The following VIT variants were observed in gnomAD, a reference collection of about 807,000 sequenced individuals.
VIT encodes the protein vitrin.
In VIT, 99 loss-of-function variants were observed where a neutral mutation model predicts 78.0. The observed-to-expected ratio is 1.27, with a 90% CI of 1.08 to 1.50. The LOEUF (loss-of-function observed/expected upper bound fraction) is 1.50. Among genes scored for constraint, VIT ranks in the 40% most tolerant of loss-of-function variants. VIT has a pLI of 0.00. For missense variants in VIT, 1,126 were observed against 875.3 expected (o/e 1.29, Z -3.61); for synonymous variants, 374 against 334.3 (o/e 1.12, Z -1.29).
At chr2:36,786,897 T>C (rs6706964) in intron 11 of VIT, among the ~76,000 whole-genome samples, 4,280 of 152,306 alleles carry the variant, frequency 0.028, 194 homozygotes, top group African/African-American at 0.097. Flanking sequence ...TTGTGGCAGA[T>C]ACATAGAGTT....
intron 7 of VIT, among the ~76,000 whole-genome samples, chr2:36,770,737 G>A (rs1022851736): frequency 6.6e-6 from 1 of 152,224 alleles, no homozygotes; most frequent in African/African-American, 2.4e-5. Context: ...ACAGGTCTGG[G>A]TGAATCTACC....
chr2:36,808,373 C>CAAG, intron 14 of VIT, 99 bp from the exon 15 acceptor site: 1 of 1,441,076 alleles, frequency 6.9e-7, no homozygotes, highest in Non-Finnish European at 9.2e-7. Context: ...AAAACAAGGG[C>CAAG]CTGCTTGCTT....
At chr2:36,804,121 G>A (rs1666532484) in intron 13 of VIT, among the ~76,000 whole-genome samples, 1 of 152,216 alleles carries the variant, frequency 6.6e-6, no homozygotes, top group Non-Finnish European at 1.5e-5. Context: ...ATATGCACTT[G>A]GAAAAGTCAT....
chr2:36,801,024 C>A (rs375552393), intron 12 of VIT, among the ~76,000 whole-genome samples: 1 of 152,154 alleles, frequency 6.6e-6, no homozygotes, highest in Non-Finnish European at 1.5e-5. Flanking sequence ...GGTGTTATAA[C>A]GATGTTTTCA....
intron 9 of VIT, among the ~76,000 whole-genome samples, 170 bp from the exon 10 acceptor site, chr2:36,781,557 T>TA (rs1213191338): frequency 2.6e-5 from 4 of 152,194 alleles, no homozygotes; most frequent in Admixed American, 6.5e-5. Context: ...CTTCAGATTT[T>TA]AAAAAATCAT....
intron 9 of VIT, among the ~76,000 whole-genome samples, chr2:36,777,557 A>G (rs1374810628): frequency 6.6e-6 from 1 of 151,906 alleles, no homozygotes; most frequent in East Asian, 1.9e-4. Context: ...AAACACCCCA[A>G]CTTCCATTTG....
chr2:36,727,319 G>A (rs973639962), intron 2 of VIT, among the ~76,000 whole-genome samples: 2 of 152,140 alleles, frequency 1.3e-5, no homozygotes, highest in Middle Eastern at 3.2e-3. Context: ...CACAATAGGT[G>A]CACACACATA....
Position 36,814,213 on chromosome 2 carries a change from G to T in VIT, c.1934G>T (p.Trp645Leu). 1 of 1,614,182 alleles carries T rather than the reference G, an allele frequency of 6.2e-7. No homozygotes were observed. Among genetic ancestry groups the T allele is most frequent in the Non-Finnish European group, 8.5e-7 (1 of 1,180,006 alleles). The stretch of plus-strand genomic sequence containing the variant: ...ATCACCTATGCGATAGGCGTTGCCT[G>T]GGCTGCCCAAGAGGAGCTAGAAGTC... Reference protein sequence around the residue: ...GVITYAIGVAWAAQEELEVIA... With the variant: ...GVITYAIGVALAAQEELEVIA... The change falls in exon 16 of 16, where the codon TGG becomes TTG. Residue 645 changes from tryptophan to leucine, a missense_variant. Transcript: ENST00000379242.
At chr2:36,782,747 G>C (rs1664846061) in intron 10 of VIT, among the ~76,000 whole-genome samples, 1 of 152,220 alleles carries the variant, frequency 6.6e-6, no homozygotes, top group Non-Finnish European at 1.5e-5. Flanking sequence ...CAGCTTCTGA[G>C]AGCATGAAAC....
intron 1 of VIT, among the ~76,000 whole-genome samples, chr2:36,698,642 T>G (rs2148398417): frequency 6.6e-6 from 1 of 152,272 alleles, no homozygotes; most frequent in South Asian, 2.1e-4. Flanking sequence ...ATGTCAAAAC[T>G]TCTATAGCAA....
At chr2:36,804,434 T>C (rs1442514008) in intron 13 of VIT, among the ~76,000 whole-genome samples, 3 of 152,200 alleles carry the variant, frequency 2.0e-5, no homozygotes, top group Non-Finnish European at 4.4e-5. Flanking sequence ...AAGAGGCTAC[T>C]GTCACTCCAG....
chr2:36,724,592 C>T (rs942501860), intron 2 of VIT, among the ~76,000 whole-genome samples: 1 of 152,148 alleles, frequency 6.6e-6, no homozygotes, highest in African/African-American at 2.4e-5. Context: ...GACCAGCTGT[C>T]CCCTGGAGGA....
chr2:36,800,993 G>A (rs1482013341), intron 12 of VIT, among the ~76,000 whole-genome samples: 2 of 152,204 alleles, frequency 1.3e-5, no homozygotes, highest in African/African-American at 4.8e-5. Context: ...CTTGACAACA[G>A]TCCCGTTCAT....
At chr2:36,755,841 G>T (rs576572061) in intron 5 of VIT, among the ~76,000 whole-genome samples, 1 of 151,510 alleles carries the variant, frequency 6.6e-6, no homozygotes, top group South Asian at 2.1e-4. Flanking sequence ...AAAATATAAT[G>T]TTATCATCTA....
At chr2:36,811,669 TC>T (rs1319608138) in intron 15 of VIT, among the ~76,000 whole-genome samples, 25 of 151,530 alleles carry the variant, frequency 1.6e-4, no homozygotes, top group African/African-American at 5.3e-4. Flanking sequence ...TTTCTTTCTT[TC>T]TTTTTTTTTT....
Position 36,703,748 on chromosome 2 carries a change from G to A in VIT, c.-19+6775G>A, listed in dbSNP as rs77580995. On this transcript the variant is annotated intron_variant, in intron 1 of 15. Coordinates refer to ENST00000379242, the MANE Select transcript of VIT (RefSeq NM_053276.4). ...TCAGCCAAGTATCTCAAAAAGCCTG[G>A]GATATTGGCATCAAGGTAAAAACAA... 5.9e-3 allele frequency among the ~76,000 whole-genome samples: 895 copies of A among 152,130 alleles called. 2 individuals carry two copies. The highest frequency in any genetic ancestry group is 1.0e-2 in the Non-Finnish European group (680 of 68,002).
intron 6 of VIT, among the ~76,000 whole-genome samples, chr2:36,763,864 C>T (rs1669267235): frequency 6.6e-6 from 1 of 152,152 alleles, no homozygotes; most frequent in Admixed American, 6.5e-5. Context: ...GCTAGGATTA[C>T]AGGCGTCTAT....
At chr2:36,716,869 C>CTTTTTTTTTT (rs557873230) in intron 2 of VIT, among the ~76,000 whole-genome samples, 1 of 78,696 alleles carries the variant, frequency 1.3e-5, no homozygotes. Flanking sequence ...AGAGATGATT[C>CTTTTTTTTTT]TTTTTTTTTT....
intron 1 of VIT, among the ~76,000 whole-genome samples, chr2:36,699,098 C>G (rs1332502106): frequency 6.6e-6 from 1 of 152,196 alleles, no homozygotes; most frequent in Non-Finnish European, 1.5e-5. Flanking sequence ...GCAACTTCCC[C>G]TCTCCTTGCT....
Sources: allele counts gnomAD v4.1 joint callset (sites outside exome capture counted in the v4.1 genomes callset), GRCh38; gene constraint gnomAD v4.1.1; transcripts MANE v1.5; gene names NCBI Gene and HGNC (gene_info 2026-07-23, HGNC 2026-07-21).